The following NPR3 variants were observed in gnomAD, a reference collection of about 807,000 sequenced individuals.
NPR3 encodes atrial natriuretic peptide receptor 3.
Under a neutral mutation model 54.5 loss-of-function variants are expected in NPR3, and 34 were observed. The observed-to-expected ratio is 0.62, with a 90% CI of 0.47 to 0.83. The LOEUF is 0.83. Among genes scored for constraint, NPR3 ranks in the 40% least tolerant of loss-of-function variants. The pLI is 0.00. For synonymous variants in NPR3, 289 were observed against 297.1 expected (o/e 0.97, Z 0.28); for missense variants, 674 against 720.8 (o/e 0.94, Z 0.74).
intron 5 of NPR3, among the ~76,000 whole-genome samples, chr5:32,781,533 G>A (rs1457993510): frequency 6.6e-6 from 1 of 152,162 alleles, no homozygotes; most frequent in Non-Finnish European, 1.5e-5. Context: ...TTTCCTCTTT[G>A]TATGTATCAG....
chr5:32,782,816 AATAGCTGTGG>A, intron 5 of NPR3, 67 bp from the exon 6 acceptor site: 1 of 1,381,024 alleles, frequency 7.2e-7, no homozygotes, highest in Admixed American at 2.4e-5. Flanking sequence ...CATTTTGGGG[AATAGCTGTGG>A]AAGGCTGCGA....
chr5:32,717,711 T>C (rs1418169564), intron 1 of NPR3, among the ~76,000 whole-genome samples: 1 of 152,252 alleles, frequency 6.6e-6, no homozygotes, highest in Non-Finnish European at 1.5e-5. Context: ...TGTTTGTTTT[T>C]TTCTTGCAAA....
chr5:32,712,568 C>T lies in NPR3; in HGVS notation c.769+23C>T, dbSNP rs77559951. On this transcript the variant is annotated intron_variant, in intron 1 of 7. Transcript: ENST00000265074. ...GAGGTGAGCAGGGGCGCGTCCCGGGCCCCGGGCCCTAACCCAACCGCTCTC... is the reference window on the plus strand; with the variant it reads ...GAGGTGAGCAGGGGCGCGTCCCGGGTCCCGGGCCCTAACCCAACCGCTCTC... 3.1e-3 allele frequency: 4,583 copies of T among 1,501,526 alleles called. 154 individuals are homozygous for T. In the East Asian group the frequency reaches 0.08, roughly 26 times the overall value. The allele number at this position is 1,501,526 out of a possible 1,614,324, so 93.0% of individuals were successfully genotyped here.
At chr5:32,758,593 C>G (rs563235595) in intron 3 of NPR3, among the ~76,000 whole-genome samples, 8 of 152,006 alleles carry the variant, frequency 5.3e-5, no homozygotes, top group Admixed American at 3.3e-4. Flanking sequence ...TTTTTTGTGT[C>G]TCTGTCTCCT....
upstream of NPR3, among the ~76,000 whole-genome samples, chr5:32,704,709 T>A (rs1737939804): frequency 1.3e-5 from 2 of 152,116 alleles, no homozygotes; most frequent in Non-Finnish European, 2.9e-5. Flanking sequence ...GGAGAGGAGA[T>A]CATTTCTGAG....
chr5:32,741,845 A>C (rs1382250001), intron 3 of NPR3, among the ~76,000 whole-genome samples: 1 of 149,996 alleles, frequency 6.7e-6, no homozygotes, highest in African/African-American at 2.5e-5. Context: ...CCTGCCTTCG[A>C]CTCTGGAGTA....
intron 3 of NPR3, among the ~76,000 whole-genome samples, chr5:32,769,981 G>GC (rs1741668832): frequency 6.6e-6 from 1 of 152,204 alleles, no homozygotes; most frequent in African/African-American, 2.4e-5. Flanking sequence ...AAGATAAACA[G>GC]CAGCAACAAC....
intron 3 of NPR3, among the ~76,000 whole-genome samples, chr5:32,750,351 G>C (rs1740515071): frequency 2.0e-5 from 3 of 152,146 alleles, no homozygotes; most frequent in Non-Finnish European, 4.4e-5. Flanking sequence ...GGTCAGGCTT[G>C]TCTCCAACTC....
rs138453724 is a variant in NPR3 at position 32,752,582 on chromosome 5, A to G, written c.1059+13552A>G. 2.4e-3 allele frequency among the ~76,000 whole-genome samples: 372 copies of G among 152,314 alleles called. 8 individuals carry two copies. The highest frequency in any genetic ancestry group is 0.019 in the Admixed American group (295 of 15,306). On this transcript the variant is annotated intron_variant, in intron 3 of 7. Coordinates refer to ENST00000265074, the MANE Select transcript of NPR3 (RefSeq NM_001204375.2). The stretch of plus-strand genomic sequence containing the variant: ...TCACTCCCTTTCTTTAAAGTCAGCT[A>G]GGGAATAATTTGTCCATATAAAAAG...
intron 1 of NPR3, among the ~76,000 whole-genome samples, chr5:32,692,849 G>A (rs1365603243): frequency 6.6e-6 from 1 of 152,182 alleles, no homozygotes; most frequent in African/African-American, 2.4e-5. Flanking sequence ...GATTGGGGGT[G>A]GTGGCTCACG....
intron 3 of NPR3, among the ~76,000 whole-genome samples, chr5:32,746,782 A>G (rs1740322596): frequency 6.6e-6 from 1 of 152,150 alleles, no homozygotes. Context: ...TCTGGCCTGT[A>G]AATTTCACTT....
intron 3 of NPR3, among the ~76,000 whole-genome samples, chr5:32,763,865 G>A (rs1325622378): frequency 1.3e-5 from 2 of 152,158 alleles, no homozygotes; most frequent in Admixed American, 6.5e-5. Context: ...GTTCTAGCAG[G>A]TAATTAAATT....
Position 32,712,108 on chromosome 5 carries a change from G to A in NPR3, c.332G>A (p.Arg111His), listed in dbSNP as rs1486716020. Residue 111 changes from arginine to histidine, a missense_variant, in exon 1 of 8, where the codon CGT becomes CAT. By Grantham distance (29) the Arg-to-His change is conservative (BLOSUM62 0). Coordinates refer to ENST00000265074, the MANE Select transcript of NPR3 (RefSeq NM_001204375.2). ...VAYEDSDCGN[R>H]ALFSLVDRVA... ...TACGAGGATTCAGACTGTGGGAACCGTGCGCTCTTCAGCTTGGTGGACCGC... is the reference window on the plus strand; with the variant it reads ...TACGAGGATTCAGACTGTGGGAACCATGCGCTCTTCAGCTTGGTGGACCGC... The A allele has an allele frequency of 6.2e-7, 1 of 1,613,634 alleles. No homozygotes were observed. Among genetic ancestry groups the A allele is most frequent in the South Asian group, 1.1e-5 (1 of 91,092 alleles).
intron 2 of NPR3, among the ~76,000 whole-genome samples, chr5:32,730,386 G>A (rs1436417174): frequency 2.0e-5 from 3 of 152,200 alleles, no homozygotes; most frequent in Admixed American, 6.5e-5. Context: ...AATGGTGAAA[G>A]ACTGAATGCT....
intron 1 of NPR3, among the ~76,000 whole-genome samples, chr5:32,717,365 C>T (rs1322084767): frequency 6.6e-6 from 1 of 152,118 alleles, no homozygotes; most frequent in Non-Finnish European, 1.5e-5. Flanking sequence ...TGGGTATATA[C>T]CCAGTAATGG....
chr5:32,727,758 C>T (rs942420993), intron 2 of NPR3, among the ~76,000 whole-genome samples: 1 of 152,142 alleles, frequency 6.6e-6, no homozygotes, highest in Non-Finnish European at 1.5e-5. Context: ...AAATCCTCTG[C>T]TCTAATAGTT....
At chr5:32,704,522 G>A, upstream of NPR3, among the ~76,000 whole-genome samples, 1 of 152,146 alleles carries the variant, frequency 6.6e-6, no homozygotes, top group East Asian at 1.9e-4. Flanking sequence ...TTGAGAAAGT[G>A]AAGGTTAAAC....
chr5:32,722,644 G>A (rs1738924726), intron 1 of NPR3, among the ~76,000 whole-genome samples: 1 of 152,126 alleles, frequency 6.6e-6, no homozygotes, highest in Non-Finnish European at 1.5e-5. Context: ...GAACTTCCCG[G>A]AACCTCCTGG....
At chr5:32,740,855 AG>A in intron 3 of NPR3, among the ~76,000 whole-genome samples, 1 of 152,200 alleles carries the variant, frequency 6.6e-6, no homozygotes, top group East Asian at 1.9e-4. Context: ...TGAAAGAAGT[AG>A]GGTTTCTGCA....
Sources: allele counts gnomAD v4.1 joint callset (sites outside exome capture counted in the v4.1 genomes callset), GRCh38; gene constraint gnomAD v4.1.1; transcripts MANE v1.5; gene names NCBI Gene and HGNC (gene_info 2026-07-23, HGNC 2026-07-21).